ARHGAP44: variants seen among roughly 807,000 people sequenced by gnomAD.
The protein encoded by ARHGAP44 is rho GTPase-activating protein 44.
Under a neutral mutation model 106.8 loss-of-function variants are expected in ARHGAP44, and 43 were observed. The observed-to-expected ratio is 0.40, with a 90% CI of 0.32 to 0.52. The LOEUF (loss-of-function observed/expected upper bound fraction) is 0.52, where lower values mean the gene tolerates loss of function less well. Ranked by LOEUF, ARHGAP44 falls within the 20% of genes least tolerant of loss-of-function variation. ARHGAP44 has a pLI of 0.48. For missense variants in ARHGAP44, 866 were observed against 1,050.5 expected (o/e 0.82, Z 2.43); for synonymous variants, 439 against 410.3 (o/e 1.07, Z -0.85).
intron 1 of ARHGAP44, among the ~76,000 whole-genome samples, chr17:12,816,754 A>T (rs777772621): frequency 3.3e-5 from 5 of 152,210 alleles, no homozygotes; most frequent in Non-Finnish European, 7.3e-5. Flanking sequence ...GGCTCAAAAT[A>T]CATGAAGAAA....
chr17:12,940,361 G>C (rs2038673820), intron 7 of ARHGAP44, among the ~76,000 whole-genome samples: 2 of 152,238 alleles, frequency 1.3e-5, no homozygotes, highest in Non-Finnish European at 2.9e-5. Flanking sequence ...CAGGCTATGA[G>C]TGATTCCATA....
In ARHGAP44 at chr17:12,952,877, A is replaced by C. The variant is rs559731079; in HGVS notation, c.1136+296A>C. Among the ~76,000 whole-genome samples the C allele has an allele frequency of 2.9e-3, 434 of 151,274 alleles. 2 individuals carry two copies. The highest frequency in any genetic ancestry group is 4.6e-3 in the Non-Finnish European group (313 of 67,770). ...GCCTCCCGAGTAGCTATAGGCACCC[A>C]CCACCACGCGTGGTCTCTGTGTGTG... On this transcript the variant is annotated intron_variant, in intron 13 of 20. Transcript: ENST00000379672.
At chr17:12,955,453 G>T (rs771626556) in intron 13 of ARHGAP44, among the ~76,000 whole-genome samples, 2 of 152,122 alleles carry the variant, frequency 1.3e-5, no homozygotes, top group Non-Finnish European at 2.9e-5. Flanking sequence ...CCAACTGAGG[G>T]TAACTCCAAG....
chr17:12,990,016 C>T lies in ARHGAP44; in HGVS notation c.2318-16C>T, dbSNP rs1300886240. The T allele has an allele frequency of 1.9e-6, 3 of 1,594,342 alleles. No individual in the cohort carries two copies. Among genetic ancestry groups the T allele is most frequent in the Non-Finnish European group, 2.6e-6 (3 of 1,163,286 alleles). ...GAAGCCTCCTTTCAACCACCTCTCT[C>T]TCTGCCGCCTTCCAGATCTTGTCCA... is the stretch of plus-strand genomic sequence containing the variant. On this transcript the variant is annotated splice_polypyrimidine_tract_variant and intron_variant, in intron 20 of 20. Transcript: ENST00000379672.
chr17:12,989,331 C>T (rs2040050258), intron 20 of ARHGAP44, among the ~76,000 whole-genome samples: 2 of 152,086 alleles, frequency 1.3e-5, no homozygotes, highest in Admixed American at 6.6e-5. Context: ...AGCTGCCAGT[C>T]TAAGGACTTC....
rs550410048 is a variant in ARHGAP44 at position 12,972,969 on chromosome 17, G to C, written c.1524-333G>C. Reference sequence around the variant, plus strand: ...AGCCATGGCGCCTGGTCATAAATAAGTAAAATGTTTTTTTAAAAAAAGAAG... The same window carrying C: ...AGCCATGGCGCCTGGTCATAAATAACTAAAATGTTTTTTTAAAAAAAGAAG... On this transcript the variant is annotated intron_variant, in intron 16 of 20. Coordinates refer to ENST00000379672, the MANE Select transcript of ARHGAP44 (RefSeq NM_014859.6). The C allele has an allele frequency of 3.6e-5, 9 of 252,572 alleles. No individual in the cohort carries two copies. The South Asian group carries it at 8.6e-4, about 24-fold the overall frequency. 15.6% of individuals were successfully genotyped at this position (252,572 alleles called of 1,614,324 possible).
rs576911230 is a variant in ARHGAP44, at chr17:12,946,342, G to A, written c.861+2146G>A. Reference sequence around the variant, plus strand: ...AAGTATGTATCTCTGTAAGATAGCGGATGTTTTGAAATATAATTTTTGGCT... The same window carrying A: ...AAGTATGTATCTCTGTAAGATAGCGAATGTTTTGAAATATAATTTTTGGCT... On this transcript the variant is annotated intron_variant, in intron 10 of 20. Transcript: ENST00000379672. 2.6e-5 allele frequency among the ~76,000 whole-genome samples: 4 copies of A among 152,002 alleles called. 1 individual carries two copies. The South Asian group carries it at 8.3e-4, about 32-fold the overall frequency.
At chr17:12,972,080 A>G (rs958847383) in intron 16 of ARHGAP44, among the ~76,000 whole-genome samples, 1 of 152,200 alleles carries the variant, frequency 6.6e-6, no homozygotes. Context: ...GCTTCTGACT[A>G]GTGTAGGTGA....
chr17:12,887,168 A>G (rs2036907095), intron 1 of ARHGAP44, among the ~76,000 whole-genome samples: 1 of 152,120 alleles, frequency 6.6e-6, no homozygotes, highest in African/African-American at 2.4e-5. Context: ...ATAATGGTGA[A>G]TTAGTCATAC....
At chr17:12,808,787 G>A (rs1015725344) in intron 1 of ARHGAP44, among the ~76,000 whole-genome samples, 4 of 152,142 alleles carry the variant, frequency 2.6e-5, no homozygotes, top group African/African-American at 9.7e-5. Context: ...GCTAATTTCT[G>A]CAGGCAGCTT....
intron 16 of ARHGAP44, among the ~76,000 whole-genome samples, chr17:12,964,371 T>A (rs891641504): frequency 1.3e-5 from 2 of 152,214 alleles, no homozygotes; most frequent in Non-Finnish European, 2.9e-5. Flanking sequence ...GGAGCCAGCA[T>A]TGGGCTTTGG....
chr17:12,817,092 A>AGT (rs2034620134), intron 1 of ARHGAP44, among the ~76,000 whole-genome samples: 1 of 152,162 alleles, frequency 6.6e-6, no homozygotes, highest in South Asian at 2.1e-4. Context: ...AATGGAGTTC[A>AGT]ACTAGAAATC....
intron 1 of ARHGAP44, among the ~76,000 whole-genome samples, chr17:12,848,343 G>A (rs895785910): frequency 1.3e-5 from 2 of 151,810 alleles, no homozygotes; most frequent in African/African-American, 2.4e-5. Flanking sequence ...CTGCCTTTTC[G>A]GGTGTAGATA....
intron 7 of ARHGAP44, among the ~76,000 whole-genome samples, chr17:12,937,388 G>T (rs1386215310): frequency 6.6e-6 from 1 of 152,160 alleles, no homozygotes; most frequent in Non-Finnish European, 1.5e-5. Context: ...AGAGCTCCTA[G>T]AGGTAAAAGT....
intron 16 of ARHGAP44, among the ~76,000 whole-genome samples, chr17:12,964,083 A>G (rs190721969): frequency 5.9e-5 from 9 of 152,214 alleles, no homozygotes; most frequent in African/African-American, 2.2e-4. Flanking sequence ...AAATCACACT[A>G]TTGTTTTCTG....
chr17:12,928,587 T>C (rs2038313105), intron 6 of ARHGAP44, among the ~76,000 whole-genome samples: 1 of 152,232 alleles, frequency 6.6e-6, no homozygotes, highest in South Asian at 2.1e-4. Context: ...GATTATGATT[T>C]ATCCATTAAA....
chr17:12,845,632 A>G (rs1287005161), intron 1 of ARHGAP44, among the ~76,000 whole-genome samples: 2 of 152,100 alleles, frequency 1.3e-5, no homozygotes, highest in Non-Finnish European at 2.9e-5. Context: ...TGCGCATAGT[A>G]GGCTCTTGGT....
chr17:12,807,433 A>G (rs2034307430), intron 1 of ARHGAP44, among the ~76,000 whole-genome samples: 1 of 152,196 alleles, frequency 6.6e-6, no homozygotes, highest in Admixed American at 6.5e-5. Context: ...TTATAAAGGA[A>G]AGAGATTTAA....
intron 20 of ARHGAP44, chr17:12,987,824 AT>A (rs987653283): frequency 2.6e-5 from 4 of 152,206 alleles, no homozygotes; most frequent in African/African-American, 9.7e-5. Context: ...ACTCAATAAA[AT>A]TTGGGGGAGC....
Sources: allele counts gnomAD v4.1 joint callset (sites outside exome capture counted in the v4.1 genomes callset), GRCh38; gene constraint gnomAD v4.1.1; transcripts MANE v1.5; gene names NCBI Gene and HGNC (gene_info 2026-07-23, HGNC 2026-07-21).